Variants in RERE observed in about 807,000 individuals in gnomAD.
RERE encodes arginine-glutamic acid dipeptide repeats.
In RERE, 40 loss-of-function variants were observed where a neutral mutation model predicts 146.1. That is an observed-to-expected ratio of 0.27 (90% CI 0.21 to 0.36). The LOEUF (loss-of-function observed/expected upper bound fraction) is 0.36. Ranked by LOEUF, RERE falls within the 10% of genes least tolerant of loss-of-function variation. The pLI is 1.00. For synonymous variants in RERE, 1,003 were observed against 866.0 expected (o/e 1.16, Z -2.78); for missense variants, 1,933 against 2,138.7 (o/e 0.90, Z 1.90).
chr1:8,544,587 G>C (rs1331674265), intron 6 of RERE, among the ~76,000 whole-genome samples: 2 of 152,180 alleles, frequency 1.3e-5, no homozygotes, highest in Non-Finnish European at 2.9e-5. Context: ...ATAATTTATA[G>C]TGAGAGAAAC....
At chr1:8,402,992 G>C (rs774434091) in intron 12 of RERE, among the ~76,000 whole-genome samples, 35 of 151,996 alleles carry the variant, frequency 2.3e-4, no homozygotes, top group Non-Finnish European at 4.4e-4. Context: ...TCTGCCTCCC[G>C]GGTTCAAGTG....
At chr1:8,575,199 C>T (rs1341882768) in intron 4 of RERE, among the ~76,000 whole-genome samples, 2 of 152,088 alleles carry the variant, frequency 1.3e-5, no homozygotes, top group Non-Finnish European at 2.9e-5. Context: ...GCTAGAACAA[C>T]TTGAGAATCA....
intron 4 of RERE, among the ~76,000 whole-genome samples, chr1:8,574,271 T>A (rs1256509985): frequency 2.0e-5 from 3 of 151,806 alleles, no homozygotes; most frequent in Non-Finnish European, 4.4e-5. Flanking sequence ...AGTAGCACTA[T>A]GGTCACAGAA....
chr1:8,388,571 G>A (rs1366966126), intron 12 of RERE, among the ~76,000 whole-genome samples: 4 of 151,794 alleles, frequency 2.6e-5, no homozygotes, highest in Admixed American at 1.3e-4. Context: ...CGCCCGCCTT[G>A]GCCTCCCAAA....
intron 21 of RERE, 115 bp downstream of exon 21, chr1:8,355,985 G>A (rs1447847933): frequency 2.5e-6 from 3 of 1,183,784 alleles, no homozygotes; most frequent in Admixed American, 2.8e-5. Flanking sequence ...CAGGGGGAGC[G>A]AACCCACCTG....
At chr1:8,501,216 AGCCCCCCGCCCG>A (rs1343373772) in intron 8 of RERE, among the ~76,000 whole-genome samples, 1 of 141,690 alleles carries the variant, frequency 7.1e-6, no homozygotes, top group African/African-American at 2.7e-5. Context: ...TGGGGGGGTC[AGCCCCCCGCCCG>A]GCCGGCCGCC....
At position 8,503,108 on chromosome 1, in the gene RERE, A is replaced by AAATG. The variant is rs1299273616; in HGVS notation, c.879+5518_879+5519insCATT. Reference sequence around the variant, plus strand: ...ATTAAAAATAAATAAATAAATAAATAAATAAATAAATAAATAAATAAAAAA... The same window carrying AAATG: ...ATTAAAAATAAATAAATAAATAAATAAATGAATAAATAAATAAATAAATAAAAAA... On this transcript the variant is annotated intron_variant, in intron 8 of 22. Coordinates refer to ENST00000400908, the MANE Select transcript of RERE (RefSeq NM_001042681.2). Among the ~76,000 whole-genome samples, 6 of 151,460 alleles carry AAATG rather than the reference A, an allele frequency of 4.0e-5. No individual in the cohort carries two copies. The South Asian group carries it at 8.3e-4, about 21-fold the overall frequency.
chr1:8,805,163 C>T (rs549687871), intron 1 of RERE, among the ~76,000 whole-genome samples: 15 of 151,642 alleles, frequency 9.9e-5, no homozygotes, highest in Middle Eastern at 6.8e-3. Context: ...CGCCACCATA[C>T]CCAGCTATTA....
intron 1 of RERE, among the ~76,000 whole-genome samples, chr1:8,745,850 G>A (rs187677652): frequency 6.6e-6 from 1 of 152,162 alleles, no homozygotes; most frequent in African/African-American, 2.4e-5. Flanking sequence ...TAGGAGAATC[G>A]CTTGAGCCCA....
intron 12 of RERE, among the ~76,000 whole-genome samples, chr1:8,372,402 TG>T (rs1037977501): frequency 6.6e-6 from 1 of 151,942 alleles, no homozygotes; most frequent in African/African-American, 2.4e-5. Context: ...CCAAGAAGTC[TG>T]GACACTCCCC....
chr1:8,509,882 A>G (rs904915670), intron 7 of RERE, among the ~76,000 whole-genome samples: 10 of 152,366 alleles, frequency 6.6e-5, no homozygotes, highest in African/African-American at 2.4e-4. Flanking sequence ...TCTGATACCC[A>G]TACCCACTGT....
intron 4 of RERE, among the ~76,000 whole-genome samples, chr1:8,595,996 C>G (rs1481042877): frequency 2.0e-5 from 3 of 152,218 alleles, no homozygotes; most frequent in Non-Finnish European, 4.4e-5. Flanking sequence ...TACAGGCCCA[C>G]AGGCCATGTC....
chr1:8,530,995 C>A (rs915041082), intron 7 of RERE, among the ~76,000 whole-genome samples: 1 of 151,638 alleles, frequency 6.6e-6, no homozygotes, highest in Admixed American at 6.6e-5. Flanking sequence ...CCGGCCTGAA[C>A]TGAACTGAGT....
At chr1:8,659,046 T>G (rs1638394024) in intron 1 of RERE, among the ~76,000 whole-genome samples, 1 of 152,204 alleles carries the variant, frequency 6.6e-6, no homozygotes, top group South Asian at 2.1e-4. Flanking sequence ...AAACATGCTG[T>G]TTCAAACAGG....
chr1:8,772,649 C>A (rs948262879), intron 1 of RERE, among the ~76,000 whole-genome samples: 1 of 151,986 alleles, frequency 6.6e-6, no homozygotes, highest in Non-Finnish European at 1.5e-5. Context: ...TGGTGGCGGG[C>A]ACCTGTAGTC....
At chr1:8,391,089 CTG>C (rs759206321) in intron 12 of RERE, among the ~76,000 whole-genome samples, 3 of 152,208 alleles carry the variant, frequency 2.0e-5, no homozygotes, top group Non-Finnish European at 2.9e-5. Context: ...AAATTCCACA[CTG>C]TGTCTTAAAA....
chr1:8,535,499 C>G (rs537411312), intron 7 of RERE, among the ~76,000 whole-genome samples: 1 of 152,294 alleles, frequency 6.6e-6, no homozygotes, highest in Non-Finnish European at 1.5e-5. Context: ...TGACAACATA[C>G]TTTCAAATGA....
Position 8,817,154 on chromosome 1 carries a change from A to G in RERE, c.-145+6T>C, listed in dbSNP as rs1641929309. Reference sequence around the variant, plus strand: ...ACGACCCGGCGCGGGCAAGTTGGACACTTACCTTCCCCTAAAGCGCTACAC... The same window carrying G: ...ACGACCCGGCGCGGGCAAGTTGGACGCTTACCTTCCCCTAAAGCGCTACAC... On this transcript the variant is annotated splice_donor_region_variant and intron_variant, in intron 1 of 22. Coordinates refer to ENST00000400908, the MANE Select transcript of RERE (RefSeq NM_001042681.2). 6.6e-6 allele frequency: 1 copy of G among 152,232 alleles called. No homozygotes were observed. Among genetic ancestry groups the G allele is most frequent in the Non-Finnish European group, 1.5e-5 (1 of 68,066 alleles). The allele number at this position is 152,232 out of a possible 1,614,324, so 9.4% of individuals were successfully genotyped here.
At chr1:8,757,661 T>C (rs1187755198) in intron 1 of RERE, among the ~76,000 whole-genome samples, 1 of 152,242 alleles carries the variant, frequency 6.6e-6, no homozygotes, top group Non-Finnish European at 1.5e-5. Context: ...ACTAAAATTA[T>C]GTATTTGAAC....
Sources: gnomAD v4.1 joint callset for allele counts (sites outside exome capture counted in the v4.1 genomes callset) on GRCh38, gnomAD v4.1.1 for gene constraint, MANE v1.5 for transcripts, NCBI Gene and HGNC (gene_info 2026-07-23, HGNC 2026-07-21) for gene names.